The following SPATA17 variants were observed in gnomAD, a reference collection of about 807,000 sequenced individuals.
The protein encoded by SPATA17 is spermatogenesis-associated protein 17.
In SPATA17, 53 loss-of-function variants were observed where a neutral mutation model predicts 62.2. That is an observed-to-expected ratio of 0.85 (90% CI 0.68 to 1.07). SPATA17 has a LOEUF of 1.07. Among genes scored for constraint, SPATA17 ranks in the 50% least tolerant of loss-of-function variants. The pLI is 0.00. For missense variants in SPATA17, 466 were observed against 425.5 expected (o/e 1.10, Z -0.84); for synonymous variants, 146 against 146.8 (o/e 0.99, Z 0.04).
At chr1:217,686,883 T>A (rs1259602672) in intron 5 of SPATA17, among the ~76,000 whole-genome samples, 1 of 152,134 alleles carries the variant, frequency 6.6e-6, no homozygotes, top group Non-Finnish European at 1.5e-5. Flanking sequence ...CATGTCTGGA[T>A]AATTTTTGTA....
At chr1:217,771,020 A>G (rs1004162061) in intron 6 of SPATA17, among the ~76,000 whole-genome samples, 1 of 44,068 alleles carries the variant, frequency 2.3e-5, no homozygotes, top group Admixed American at 3.8e-4. Flanking sequence ...CCTTTTGACG[A>G]GTCAGAATCG....
At chr1:217,812,204 A>G (rs1236226885) in intron 9 of SPATA17, among the ~76,000 whole-genome samples, 1 of 152,166 alleles carries the variant, frequency 6.6e-6, no homozygotes, top group Non-Finnish European at 1.5e-5. Flanking sequence ...ATGATTTATT[A>G]ACCAATTGTG....
At position 217,631,371 on chromosome 1, in the gene SPATA17, A is replaced by T. The variant is rs775495074; in HGVS notation, c.-8A>T. ...TAACACCAGTTGTAAACCCAAGGCC[A>T]AGAGACCATGGCCACGTTAGCCCGG... On this transcript the variant is annotated 5_prime_UTR_variant, in exon 1 of 11. Coordinates refer to ENST00000366933, the MANE Select transcript of SPATA17 (RefSeq NM_138796.4). 1.2e-6 allele frequency: 2 copies of T among 1,614,170 alleles called. No homozygotes were observed. Among genetic ancestry groups the T allele is most frequent in the Non-Finnish European group, 1.7e-6 (2 of 1,180,006 alleles).
intron 5 of SPATA17, among the ~76,000 whole-genome samples, chr1:217,700,637 A>T (rs953984498): frequency 3.3e-5 from 5 of 151,598 alleles, no homozygotes; most frequent in African/African-American, 1.2e-4. Flanking sequence ...CTCAGGCTGG[A>T]GTGCAATGGT....
chr1:217,784,290 T>C lies in SPATA17; in HGVS notation c.872+1968T>C, dbSNP rs376982452. 1.9e-3 allele frequency among the ~76,000 whole-genome samples: 286 copies of C among 152,230 alleles called. 1 individual carries two copies. Among genetic ancestry groups the C allele is most frequent in the African/African-American group, 5.8e-3 (241 of 41,556 alleles). ...CTTTTACCACAAAACCAACTTTACC[T>C]ATAAGGAGTTAAAAGTAGTATATCA... On this transcript the variant is annotated intron_variant, in intron 8 of 10. Coordinates refer to ENST00000366933, the MANE Select transcript of SPATA17 (RefSeq NM_138796.4).
At chr1:217,819,167 A>T (rs1278692886) in intron 9 of SPATA17, among the ~76,000 whole-genome samples, 2 of 151,274 alleles carry the variant, frequency 1.3e-5, no homozygotes, top group Admixed American at 6.6e-5. Flanking sequence ...AAACATTTGA[A>T]TTCTCACTTT....
At chr1:217,706,117 T>C (rs1671727937) in intron 5 of SPATA17, among the ~76,000 whole-genome samples, 1 of 152,216 alleles carries the variant, frequency 6.6e-6, no homozygotes. Context: ...TGTAGTCTTG[T>C]AGTATAGTTT....
At chr1:217,845,069 T>C (rs1451223384) in intron 9 of SPATA17, among the ~76,000 whole-genome samples, 1 of 152,132 alleles carries the variant, frequency 6.6e-6, no homozygotes, top group Non-Finnish European at 1.5e-5. Flanking sequence ...TATGTATATC[T>C]GGTCCTCTTA....
chr1:217,738,204 C>T (rs972337121), intron 5 of SPATA17, among the ~76,000 whole-genome samples: 2 of 152,262 alleles, frequency 1.3e-5, no homozygotes, highest in Admixed American at 1.3e-4. Context: ...AGGTGGAGGA[C>T]AGGGAAAGGA....
At chr1:217,796,858 T>C (rs779808277) in intron 8 of SPATA17, among the ~76,000 whole-genome samples, 21 of 152,254 alleles carry the variant, frequency 1.4e-4, no homozygotes, top group Non-Finnish European at 3.1e-4. Flanking sequence ...TTTTTATTTT[T>C]CATGTTGAAG....
At chr1:217,832,456 A>G (rs1675162983) in intron 9 of SPATA17, among the ~76,000 whole-genome samples, 1 of 152,144 alleles carries the variant, frequency 6.6e-6, no homozygotes. Context: ...GACAATAAAA[A>G]TGGATCTGAA....
intron 3 of SPATA17, among the ~76,000 whole-genome samples, chr1:217,660,764 C>A (rs1670549016): frequency 6.6e-6 from 1 of 152,180 alleles, no homozygotes; most frequent in African/African-American, 2.4e-5. Context: ...GGAACCTTAG[C>A]TCACATGTAG....
intron 5 of SPATA17, among the ~76,000 whole-genome samples, chr1:217,713,021 A>G (rs1571750944): frequency 6.6e-6 from 1 of 152,112 alleles, no homozygotes; most frequent in South Asian, 2.1e-4. Context: ...ATGAAGAAAT[A>G]CCCCTAATTT....
At chr1:217,845,946 A>G (rs1003826190) in intron 9 of SPATA17, among the ~76,000 whole-genome samples, 18 of 152,070 alleles carry the variant, frequency 1.2e-4, no homozygotes, top group Admixed American at 6.6e-5. Flanking sequence ...AGAGTGTTTT[A>G]GGGGTCTAAA....
chr1:217,644,069 A>G (rs1670129666), intron 1 of SPATA17, among the ~76,000 whole-genome samples: 1 of 152,178 alleles, frequency 6.6e-6, no homozygotes. Context: ...TATAGGTTCT[A>G]GTTCTAAATT....
intron 1 of SPATA17, among the ~76,000 whole-genome samples, chr1:217,634,699 G>T (rs529853241): frequency 6.8e-4 from 104 of 152,264 alleles, no homozygotes; most frequent in Non-Finnish European, 1.1e-3. Flanking sequence ...GGTTTGCCTT[G>T]GGAAAGGCCT....
intron 9 of SPATA17, among the ~76,000 whole-genome samples, chr1:217,806,723 T>C (rs1674444066): frequency 6.6e-6 from 1 of 152,142 alleles, no homozygotes; most frequent in African/African-American, 2.4e-5. Flanking sequence ...TACCATGTTA[T>C]GCATTTTTTT....
intron 9 of SPATA17, among the ~76,000 whole-genome samples, chr1:217,826,178 T>C (rs1674998514): frequency 6.6e-6 from 1 of 152,160 alleles, no homozygotes; most frequent in African/African-American, 2.4e-5. Flanking sequence ...GACTTGTGGA[T>C]GAAGTCTTCT....
chr1:217,773,944 T>C (rs926648826), intron 6 of SPATA17, among the ~76,000 whole-genome samples: 5 of 152,172 alleles, frequency 3.3e-5, no homozygotes, highest in African/African-American at 1.2e-4. Flanking sequence ...TTTGACTTCC[T>C]GTGAGTGAAT....
Sources: gnomAD v4.1 joint callset for allele counts (sites outside exome capture counted in the v4.1 genomes callset) on GRCh38, gnomAD v4.1.1 for gene constraint, MANE v1.5 for transcripts, NCBI Gene and HGNC (gene_info 2026-07-23, HGNC 2026-07-21) for gene names.